ARHGAP17: variants seen among roughly 807,000 people sequenced by gnomAD.
ARHGAP17 encodes Rho GTPase activating protein 17.
ARHGAP17 carries 57 observed loss-of-function variants against 99.5 expected under a neutral mutation model. That is an observed-to-expected ratio of 0.57 (90% confidence interval 0.46 to 0.71). ARHGAP17 has a LOEUF of 0.71. Among genes scored for constraint, ARHGAP17 ranks in the 30% least tolerant of loss-of-function variants. The probability of loss-of-function intolerance (pLI) is 0.00; values close to 1 mark genes in which losing one functional copy is unlikely to be tolerated. For synonymous variants in ARHGAP17, 417 were observed against 429.6 expected, an observed-to-expected ratio of 0.97 and a Z score of 0.36; for missense variants, 1,000 against 1,122.4, an observed-to-expected ratio of 0.89 and a Z score of 1.56.
intron 14 of ARHGAP17, among the ~76,000 whole-genome samples, chr16:24,944,883 TG>T (rs1451067615): frequency 2.0e-5 from 3 of 152,036 alleles, no homozygotes; most frequent in African/African-American, 7.2e-5. Flanking sequence ...CCCAAAGTGC[TG>T]GGATTACAGG....
Position 24,943,861 on chromosome 16 carries a change from T to C in ARHGAP17, c.1243A>G (p.Thr415Ala), listed in dbSNP as rs1356218752. Residue 415 changes from threonine (T) to alanine (A), a missense_variant and splice_region_variant, in exon 15 of 20, where the codon ACA (threonine) becomes GCA (alanine). Physicochemically the swap from Thr to Ala is moderately conservative, Grantham distance 58 (BLOSUM62 0). Transcript: ENST00000289968. ...PNLLWARNEG[T>A]LAEMAAATSV... is the part of the protein sequence containing the mutation. Reference sequence around the variant, plus strand: ...GTGGCTGCTGCCATTTCAGCAAGTGTTCTGCAAAGCAAGTTCACAAAATTA... The same window carrying C: ...GTGGCTGCTGCCATTTCAGCAAGTGCTCTGCAAAGCAAGTTCACAAAATTA... 1 of 1,614,150 alleles carries C rather than the reference T, an allele frequency of 6.2e-7. No homozygotes were observed. The highest frequency in any genetic ancestry group is 1.7e-5 in the Admixed American group (1 of 60,020).
intron 19 of ARHGAP17, chr16:24,920,885 A>G (rs2050703910): frequency 6.6e-6 from 1 of 152,390 alleles, no homozygotes; most frequent in African/African-American, 2.4e-5. Context: ...GGGAATCACA[A>G]TCACTGCTGA....
At chr16:24,985,632 A>G (rs1597457557) in intron 1 of ARHGAP17, among the ~76,000 whole-genome samples, 1 of 152,196 alleles carries the variant, frequency 6.6e-6, no homozygotes, top group East Asian at 1.9e-4. Flanking sequence ...CACTGATTAG[A>G]AATTTTAATC....
intron 3 of ARHGAP17, among the ~76,000 whole-genome samples, chr16:24,971,928 C>T (rs1055457636): frequency 1.3e-5 from 2 of 152,200 alleles, no homozygotes; most frequent in African/African-American, 4.8e-5. Flanking sequence ...GTCTTCCCTA[C>T]GGGCCAATGG....
At chr16:24,959,054 A>C (rs1017030239) in intron 9 of ARHGAP17, among the ~76,000 whole-genome samples, 1 of 152,164 alleles carries the variant, frequency 6.6e-6, no homozygotes, top group African/African-American at 2.4e-5. Context: ...AAAATTCAAC[A>C]TAAGGGGAAA....
intron 1 of ARHGAP17, among the ~76,000 whole-genome samples, chr16:24,996,234 T>C (rs2053188684): frequency 6.6e-6 from 1 of 152,236 alleles, no homozygotes; most frequent in African/African-American, 2.4e-5. Flanking sequence ...TTCAGGAACC[T>C]ACCAGTGGAG....
At chr16:24,977,615 A>G (rs974833502) in intron 2 of ARHGAP17, among the ~76,000 whole-genome samples, 1 of 152,170 alleles carries the variant, frequency 6.6e-6, no homozygotes, top group African/African-American at 2.4e-5. Flanking sequence ...CCTTCCACAC[A>G]ATGTACATCA....
chr16:24,977,039 C>T (rs1009291095), intron 3 of ARHGAP17, among the ~76,000 whole-genome samples, 176 bp downstream of exon 3: 3 of 152,202 alleles, frequency 2.0e-5, no homozygotes, highest in Non-Finnish European at 2.9e-5. Flanking sequence ...TCCAGCCCAG[C>T]GATGTCTTAA....
intron 14 of ARHGAP17, among the ~76,000 whole-genome samples, chr16:24,945,059 C>T (rs759626942): frequency 5.9e-5 from 9 of 151,920 alleles, no homozygotes; most frequent in African/African-American, 1.2e-4. Context: ...GTAGGCCAGA[C>T]GCAGTGGCTC....
At chr16:24,957,049 G>A (rs1460864450) in intron 9 of ARHGAP17, 1 of 152,274 alleles carries the variant, frequency 6.6e-6, no homozygotes, top group Admixed American at 6.5e-5. Flanking sequence ...CTTATCCCAA[G>A]TTCACGCCAA....
intron 1 of ARHGAP17, among the ~76,000 whole-genome samples, chr16:24,985,192 A>C (rs1406103719): frequency 2.1e-5 from 1 of 47,740 alleles, no homozygotes; most frequent in Non-Finnish European, 3.9e-5. Flanking sequence ...GCAACCCCAC[A>C]CACACACACA....
intron 1 of ARHGAP17, among the ~76,000 whole-genome samples, chr16:24,980,302 T>C (rs2052638644): frequency 6.6e-6 from 1 of 152,216 alleles, no homozygotes; most frequent in African/African-American, 2.4e-5. Context: ...GAACAGGGCA[T>C]TGCCATGGGG....
chr16:24,944,184 T>C (rs2051398581), intron 14 of ARHGAP17, among the ~76,000 whole-genome samples: 1 of 150,296 alleles, frequency 6.7e-6, no homozygotes, highest in Non-Finnish European at 1.5e-5. Context: ...GGCAGGAGAA[T>C]CGCTTGAACC....
At chr16:24,999,310 T>A (rs2053292124) in intron 1 of ARHGAP17, among the ~76,000 whole-genome samples, 1 of 152,244 alleles carries the variant, frequency 6.6e-6, no homozygotes, top group Non-Finnish European at 1.5e-5. Flanking sequence ...TTGCTCTCAG[T>A]TTTTTCCAAT....
At chr16:25,007,405 A>C (rs1260847042) in intron 1 of ARHGAP17, among the ~76,000 whole-genome samples, 1 of 152,144 alleles carries the variant, frequency 6.6e-6, no homozygotes, top group African/African-American at 2.4e-5. Flanking sequence ...TCACTCCATC[A>C]CCCAGGCTGG....
chr16:24,974,336 T>G (rs2052454046), intron 3 of ARHGAP17, among the ~76,000 whole-genome samples: 1 of 151,960 alleles, frequency 6.6e-6, no homozygotes, highest in Non-Finnish European at 1.5e-5. Context: ...GAGGCTGAGG[T>G]GGGAGAATCG....
intron 3 of ARHGAP17, among the ~76,000 whole-genome samples, chr16:24,977,009 G>A (rs1175546803): frequency 1.3e-5 from 2 of 152,242 alleles, no homozygotes; most frequent in East Asian, 3.8e-4. Context: ...ACCTGGAGAA[G>A]ATTCCGTGTA....
intron 1 of ARHGAP17, among the ~76,000 whole-genome samples, chr16:24,992,006 G>A (rs1180474315): frequency 6.6e-6 from 1 of 152,174 alleles, no homozygotes; most frequent in African/African-American, 2.4e-5. Context: ...AGGAAAGCAG[G>A]GAAACAGTCC....
chr16:25,002,931 C>T lies in ARHGAP17; in HGVS notation c.53+12278G>A, dbSNP rs1597486893. Among the ~76,000 whole-genome samples, 5 of 147,148 alleles carry T rather than the reference C, an allele frequency of 3.4e-5. No homozygotes were observed. In the Admixed American group the frequency reaches 3.5e-4, roughly 10 times the overall value. On this transcript the variant is annotated intron_variant, in intron 1 of 19. Coordinates refer to ENST00000289968, the MANE Select transcript of ARHGAP17 (RefSeq NM_001006634.3). ...GTGGGCAACTGTAATCCCAGCTACT[C>T]GGGAGGCTGAAGCAGGAGAATCGCT... is the stretch of plus-strand genomic sequence containing the variant.
Sources: allele counts gnomAD v4.1 joint callset (sites outside exome capture counted in the v4.1 genomes callset), GRCh38; gene constraint gnomAD v4.1.1; transcripts MANE v1.5; gene names NCBI Gene and HGNC (gene_info 2026-07-23, HGNC 2026-07-21).